ARNT: variants seen among roughly 807,000 people sequenced by gnomAD.
The protein encoded by ARNT is class E basic helix-loop-helix protein 2.
Under a neutral mutation model 105.0 loss-of-function variants are expected in ARNT, and 30 were observed. That is an observed-to-expected ratio of 0.29 (90% CI 0.21 to 0.39). The LOEUF (loss-of-function observed/expected upper bound fraction) is 0.39, where lower values mean the gene tolerates loss of function less well. Among genes scored for constraint, ARNT ranks in the 10% least tolerant of loss-of-function variants. ARNT has a pLI of 1.00. For missense variants in ARNT, 748 were observed against 978.7 expected (o/e 0.76, Z 3.15); for synonymous variants, 304 against 344.0 (o/e 0.88, Z 1.29).
At chr1:150,837,059 C>A (rs1041607193) in intron 6 of ARNT, among the ~76,000 whole-genome samples, 4 of 151,820 alleles carry the variant, frequency 2.6e-5, no homozygotes, top group African/African-American at 9.7e-5. Context: ...GAGCAAGAGA[C>A]CCTGTCTCAA....
chr1:150,818,274 CA>C, intron 14 of ARNT: 1 of 398,060 alleles, frequency 2.5e-6, no homozygotes. Flanking sequence ...TCTAGGTATT[CA>C]AAACCTGGTT....
chr1:150,831,771 G>T, intron 10 of ARNT, 47 bp downstream of exon 10: 1 of 1,352,950 alleles, frequency 7.4e-7, no homozygotes, highest in Non-Finnish European at 1.0e-6. Flanking sequence ...GACTCTGTGA[G>T]GAACCAACTG....
At position 150,831,907 on chromosome 1, in the gene ARNT, G is replaced by T; in HGVS notation, c.870-4C>A. On this transcript the variant is annotated splice_region_variant and splice_polypyrimidine_tract_variant and intron_variant, in intron 9 of 21. Coordinates refer to ENST00000358595, the MANE Select transcript of ARNT (RefSeq NM_001668.4). ...CTTTACAGAGCCAAGTCCATTCCTAGAAGAGTTACAGGAGTTTGAAAAAAA... is the reference window on the plus strand; with the variant it reads ...CTTTACAGAGCCAAGTCCATTCCTATAAGAGTTACAGGAGTTTGAAAAAAA... 1.4e-6 allele frequency: 2 copies of T among 1,479,320 alleles called. No homozygotes were observed. Among genetic ancestry groups the T allele is most frequent in the Non-Finnish European group, 1.8e-6 (2 of 1,088,936 alleles). 91.6% of individuals were successfully genotyped at this position (1,479,320 alleles called of 1,614,324 possible).
intron 1 of ARNT, among the ~76,000 whole-genome samples, chr1:150,859,076 T>C (rs1182018895): frequency 1.5e-5 from 2 of 134,250 alleles, no homozygotes; most frequent in Admixed American, 7.9e-5. Flanking sequence ...CTTAATAATA[T>C]ACTAATTTTA....
At chr1:150,842,910 T>C (rs1661537286) in intron 4 of ARNT, among the ~76,000 whole-genome samples, 2 of 152,104 alleles carry the variant, frequency 1.3e-5, no homozygotes, top group Non-Finnish European at 2.9e-5. Flanking sequence ...GAAAATGATA[T>C]CCACATGTGC....
Position 150,843,265 on chromosome 1 carries a change from A to C in ARNT, c.228-797T>G, listed in dbSNP as rs975546225. ...GAACCATCACTAAATTTTTCTAGAAAACTGAGATACTGTAATGATGGGTGG... is the reference window on the plus strand; with the variant it reads ...GAACCATCACTAAATTTTTCTAGAACACTGAGATACTGTAATGATGGGTGG... On this transcript the variant is annotated intron_variant, in intron 4 of 21. Coordinates refer to ENST00000358595, the MANE Select transcript of ARNT (RefSeq NM_001668.4). 1.5e-4 allele frequency among the ~76,000 whole-genome samples: 23 copies of C among 152,178 alleles called. 1 individual carries two copies.
At chr1:150,842,613 G>A (rs1661496024) in intron 4 of ARNT, 145 bp from the exon 5 acceptor site, 1 of 633,138 alleles carries the variant, frequency 1.6e-6, no homozygotes, top group Admixed American at 2.9e-5. Flanking sequence ...GAGAGAAAAG[G>A]ATATAGAACT....
chr1:150,851,670 AAG>A (rs1160287427), intron 3 of ARNT, among the ~76,000 whole-genome samples: 1 of 152,058 alleles, frequency 6.6e-6, no homozygotes, highest in African/African-American at 2.4e-5. Flanking sequence ...CATGCGCATT[AAG>A]AGTCATCACC....
chr1:150,835,133 T>C (rs1660068519), intron 7 of ARNT, among the ~76,000 whole-genome samples: 1 of 75,296 alleles, frequency 1.3e-5, no homozygotes, highest in African/African-American at 4.8e-5. Flanking sequence ...AGCAAGACCT[T>C]GTCTCAAAAA....
At chr1:150,831,549 T>C (rs1467012769) in intron 10 of ARNT, 2 of 387,372 alleles carry the variant, frequency 5.2e-6, no homozygotes, top group Non-Finnish European at 9.2e-6. Flanking sequence ...TTAGAATACA[T>C]ATGTTCAGTA....
chr1:150,812,388 C>T (rs1433909458), intron 21 of ARNT, among the ~76,000 whole-genome samples: 1 of 152,064 alleles, frequency 6.6e-6, no homozygotes, highest in Non-Finnish European at 1.5e-5. Context: ...TCATATAACC[C>T]CCTATAGACA....
chr1:150,854,459 G>C (rs926851723), intron 2 of ARNT, among the ~76,000 whole-genome samples: 1 of 150,502 alleles, frequency 6.6e-6, no homozygotes, highest in East Asian at 2.0e-4. Context: ...GGGTTGGGGG[G>C]GCGGGAGGGG....
chr1:150,823,406 A>C, intron 13 of ARNT, 61 bp from the exon 14 acceptor site: 6 of 1,502,928 alleles, frequency 4.0e-6, no homozygotes, highest in Non-Finnish European at 5.4e-6. Flanking sequence ...AAAAATAAAT[A>C]AAAATTTTCC....
At chr1:150,846,377 C>G (rs1662217482) in intron 3 of ARNT, 70 bp from the exon 4 acceptor site, 1 of 1,475,408 alleles carries the variant, frequency 6.8e-7, no homozygotes. Context: ...GAAAAGTAAA[C>G]TAGAAAGGGG....
chr1:150,817,999 A>G lies in ARNT; in HGVS notation c.1426T>C (p.Ser476Pro), dbSNP rs1235219716. 1 of 1,612,250 alleles carries G rather than the reference A, an allele frequency of 6.2e-7. No individual in the cohort carries two copies. The highest frequency in any genetic ancestry group is 8.5e-7 in the Non-Finnish European group (1 of 1,179,646). Residue 476 changes from serine to proline, a missense_variant, in exon 15 of 22, where the codon TCC (serine) becomes CCC (proline). Ser to Pro is a moderately conservative substitution (Grantham distance 74, BLOSUM62 -1). Around this residue, in one of 4 missense-constraint regions of ARNT, gnomAD observed 360 missense variants for 411.9 expected, o/e 0.87. Transcript: ENST00000358595. Reference sequence around the variant, plus strand: ...AGTTGTGGCCTCTGGATTGTGTTGGAGAGTGTAGGCCGTGGTTCTTGGCTA... The same window carrying G: ...AGTTGTGGCCTCTGGATTGTGTTGGGGAGTGTAGGCCGTGGTTCTTGGCTA... Reference protein sequence around the residue: ...NSSQEPRPTLSNTIQRPQLGP... With the variant: ...NSSQEPRPTLPNTIQRPQLGP...
chr1:150,869,544 C>CTT (rs869055633), intron 1 of ARNT, among the ~76,000 whole-genome samples: 2 of 141,156 alleles, frequency 1.4e-5, no homozygotes, highest in Non-Finnish European at 1.5e-5. Context: ...GAAACTACTC[C>CTT]TTTTTTTTTT....
At chr1:150,873,469 A>G (rs587699266) in intron 1 of ARNT, among the ~76,000 whole-genome samples, 1 of 152,230 alleles carries the variant, frequency 6.6e-6, no homozygotes, top group South Asian at 2.1e-4. Flanking sequence ...TCATCACAGA[A>G]CTATTACTTC....
intron 8 of ARNT, 55 bp from the exon 9 acceptor site, chr1:150,832,454 T>G: frequency 6.5e-7 from 1 of 1,535,218 alleles, no homozygotes; most frequent in Non-Finnish European, 9.0e-7. Context: ...TCAAAGAACT[T>G]TCCACAGTAA....
In ARNT at chr1:150,853,344, T is replaced by G. The variant is rs1444181847; in HGVS notation, c.138-538A>C. On this transcript the variant is annotated intron_variant, in intron 2 of 21. Transcript: ENST00000358595. ...AGTACCTTCTGCTACCTTAACACTT[T>G]CCTAGAGTAGCAGTCAATCTTTGCC... The G allele has an allele frequency of 1.1e-5, 3 of 283,744 alleles. No homozygotes were observed. In the East Asian group the frequency reaches 3.9e-4, roughly 37 times the overall value. The allele number at this position is 283,744 out of a possible 1,614,324, so 17.6% of individuals were successfully genotyped here. A position where few individuals can be genotyped will look rare whatever the true frequency, so the allele number is the denominator to read the frequency against.
Sources: gnomAD v4.1 joint callset for allele counts (sites outside exome capture counted in the v4.1 genomes callset) on GRCh38, gnomAD v4.1.1 for gene constraint, gnomAD v4.1.1 regional missense constraint, MANE v1.5 for transcripts, NCBI Gene and HGNC (gene_info 2026-07-23, HGNC 2026-07-21) for gene names.